Variants in EIF4E observed in about 807,000 individuals in gnomAD.
EIF4E encodes eIF-4F 25 kDa subunit.
For synonymous variants in EIF4E, 71 were observed against 88.5 expected, an observed-to-expected ratio of 0.80 and a Z score of 1.11; for missense variants, 113 against 265.6, an observed-to-expected ratio of 0.43 and a Z score of 3.99.
intron 1 of EIF4E, among the ~76,000 whole-genome samples, chr4:98,906,470 G>A (rs1724878121): frequency 6.6e-6 from 1 of 152,140 alleles, no homozygotes; most frequent in South Asian, 2.1e-4. Context: ...CTTACATATT[G>A]TATGCATGTC....
At position 98,923,906 on chromosome 4, in the gene EIF4E, A is replaced by T. The variant is rs148321196; in HGVS notation, c.18+5189T>A. Among the ~76,000 whole-genome samples, 114 of 152,286 alleles carry T rather than the reference A, an allele frequency of 7.5e-4. 2 individuals carry two copies. The East Asian group carries it at 0.021, about 29-fold the overall frequency. ...AATACTGCATTTAAAAATTGAAATC[A>T]CCGTAATATATCTTATTCCGACTTT... On this transcript the variant is annotated intron_variant, in intron 1 of 6. Transcript: ENST00000450253.
intron 6 of EIF4E, among the ~76,000 whole-genome samples, chr4:98,884,316 G>T (rs1412047268): frequency 5.9e-5 from 9 of 152,112 alleles, no homozygotes; most frequent in Non-Finnish European, 1.0e-4. Flanking sequence ...ATTCTCATTT[G>T]TGAATGAATA....
intron 1 of EIF4E, among the ~76,000 whole-genome samples, chr4:98,903,253 AAAC>A (rs1431781142): frequency 1.3e-5 from 2 of 152,228 alleles, no homozygotes; most frequent in Admixed American, 6.5e-5. Flanking sequence ...CTGAAGCAGC[AAAC>A]AACAGAGATC....
chr4:98,917,131 C>CA (rs1351581887), intron 1 of EIF4E, among the ~76,000 whole-genome samples: 2 of 52,558 alleles, frequency 3.8e-5, no homozygotes, highest in Non-Finnish European at 7.4e-5. Context: ...CACACACACA[C>CA]ACAAAAAAAA....
chr4:98,895,075 T>G (rs1724317325), intron 2 of EIF4E: 1 of 152,248 alleles, frequency 6.6e-6, no homozygotes, highest in Non-Finnish European at 1.5e-5. Flanking sequence ...CCATCTTATA[T>G]CGCCAATGTT....
intron 1 of EIF4E, among the ~76,000 whole-genome samples, chr4:98,915,295 A>G (rs983021460): frequency 3.2e-4 from 48 of 152,100 alleles, no homozygotes; most frequent in Non-Finnish European, 6.0e-4. Context: ...AAAAGGTACG[A>G]AGAAGGATAT....
At chr4:98,929,074 G>C in intron 1 of EIF4E, 21 bp downstream of exon 1, 1 of 1,580,282 alleles carries the variant, frequency 6.3e-7, no homozygotes, top group South Asian at 1.2e-5. Flanking sequence ...CGTGGGGGTG[G>C]GGGCCAAAGG....
chr4:98,924,604 T>TA (rs1725792101), intron 1 of EIF4E, among the ~76,000 whole-genome samples: 1 of 151,934 alleles, frequency 6.6e-6, no homozygotes, highest in African/African-American at 2.4e-5. Context: ...TTTTTTTTTT[T>TA]ATTCTTTTTG....
At chr4:98,914,361 C>CAAAAAAAAAAAAAAAAA (rs1159581783) in intron 1 of EIF4E, among the ~76,000 whole-genome samples, 1 of 34,830 alleles carries the variant, frequency 2.9e-5, no homozygotes, top group African/African-American at 1.0e-4. Flanking sequence ...GACTCCGTCT[C>CAAAAAAAAAAAAAAAAA]AAAAAAAAAA....
intron 3 of EIF4E, chr4:98,890,897 A>C (rs975829364): frequency 1.6e-5 from 5 of 307,190 alleles, no homozygotes; most frequent in Non-Finnish European, 1.8e-5. Flanking sequence ...AGGACCCAAC[A>C]ACGCACTGCA....
intron 1 of EIF4E, among the ~76,000 whole-genome samples, chr4:98,914,618 G>A (rs953607073): frequency 2.0e-5 from 3 of 152,036 alleles, no homozygotes; most frequent in African/African-American, 7.2e-5. Context: ...AAGATCAGTG[G>A]TTGGTGGGGA....
rs1193780927 is a variant in EIF4E, at chr4:98,879,797, C to T, written c.*1231G>A. ...TGAGTATTAACATATTAAGAGAGTA[C>T]ATTATTTACCTAAGACTGAATGACT... On this transcript the variant is annotated 3_prime_UTR_variant, in exon 7 of 7. Transcript: ENST00000450253. 2.6e-5 allele frequency: 4 copies of T among 152,056 alleles called. No individual in the cohort carries two copies. The highest frequency in any genetic ancestry group is 9.7e-5 in the African/African-American group (4 of 41,432). 9.4% of individuals were successfully genotyped at this position (152,056 alleles called of 1,614,324 possible).
intron 3 of EIF4E, among the ~76,000 whole-genome samples, chr4:98,889,371 TA>T (rs1383093464): frequency 2.0e-5 from 3 of 152,186 alleles, no homozygotes; most frequent in Admixed American, 2.0e-4. Context: ...TTAGCGCTAC[TA>T]ATGTCATAAA....
chr4:98,910,328 T>C (rs976412401), intron 1 of EIF4E, among the ~76,000 whole-genome samples: 1 of 152,194 alleles, frequency 6.6e-6, no homozygotes. Flanking sequence ...TTTTTTCATG[T>C]AAAAGTCCCT....
intron 6 of EIF4E, among the ~76,000 whole-genome samples, chr4:98,884,368 T>C (rs571341773): frequency 4.2e-4 from 64 of 152,260 alleles, no homozygotes; most frequent in Admixed American, 1.4e-3. Context: ...AGTGGTTATA[T>C]ACTTCACTGC....
intron 1 of EIF4E, among the ~76,000 whole-genome samples, chr4:98,912,665 G>T (rs561336429): frequency 1.3e-5 from 2 of 152,072 alleles, no homozygotes. Context: ...CACTAAAATG[G>T]CATTACAACC....
At position 98,890,140 on chromosome 4, in the gene EIF4E, A is replaced by G. The variant is rs568511215; in HGVS notation, c.221+1097T>C. ...CAAATGAATACAAAATATCTATTAG[A>G]AGCCAAGCACTGGAAATATACAGAA... On this transcript the variant is annotated intron_variant, in intron 3 of 6. Transcript: ENST00000450253. Among the ~76,000 whole-genome samples the G allele has an allele frequency of 3.2e-3, 482 of 152,348 alleles. 1 individual carries two copies. The highest frequency in any genetic ancestry group is 5.6e-3 in the Non-Finnish European group (379 of 68,022).
intron 1 of EIF4E, among the ~76,000 whole-genome samples, chr4:98,907,388 A>G (rs1320304339): frequency 6.6e-6 from 1 of 152,170 alleles, no homozygotes; most frequent in Admixed American, 6.6e-5. Flanking sequence ...AGCTGCAACT[A>G]TCTATTACCA....
chr4:98,894,318 C>T (rs1724275035), intron 2 of EIF4E, among the ~76,000 whole-genome samples: 1 of 152,214 alleles, frequency 6.6e-6, no homozygotes, highest in Non-Finnish European at 1.5e-5. Context: ...TGAAGCTAGG[C>T]AATGACTTCT....
Sources: gnomAD v4.1 joint callset for allele counts (sites outside exome capture counted in the v4.1 genomes callset) on GRCh38, gnomAD v4.1.1 for gene constraint, MANE v1.5 for transcripts, NCBI Gene and HGNC (gene_info 2026-07-23, HGNC 2026-07-21) for gene names.